Variants in FNDC3B observed in about 807,000 individuals in gnomAD.
FNDC3B encodes fibronectin type III domain containing 3B.
FNDC3B carries 12 observed loss-of-function variants against 151.5 expected under a neutral mutation model. That is an observed-to-expected ratio of 0.08 (90% confidence interval 0.05 to 0.13). FNDC3B has a LOEUF of 0.13. Ranked by LOEUF, FNDC3B falls within the 10% of genes least tolerant of loss-of-function variation. FNDC3B has a pLI of 1.00. For synonymous variants in FNDC3B, 528 were observed against 549.0 expected (o/e 0.96, Z 0.54); for missense variants, 1,214 against 1,505.3 (o/e 0.81, Z 3.20).
At chr3:172,144,093 T>A (rs1283927000) in intron 3 of FNDC3B, among the ~76,000 whole-genome samples, 1 of 152,138 alleles carries the variant, frequency 6.6e-6, no homozygotes. Flanking sequence ...TGGGATCTGC[T>A]TCTCGTGAGG....
rs565151258 is a variant in FNDC3B, at chr3:172,337,334, C to T, written c.1785C>T (p.Pro595=). The change falls in exon 16 of 26, where the codon CCC becomes CCT. Residue 595 remains proline, a synonymous_variant. Coordinates refer to ENST00000415807, the MANE Select transcript of FNDC3B (RefSeq NM_022763.4). ...TSHGFSVKWD[P]PKDNGGSEIL... is the part of the protein sequence containing the mutation. ...AGACATTTGGTTATTTTCCAGATCC[C>T]CCTAAGGACAATGGTGGTTCAGAAA... The T allele has an allele frequency of 3.6e-5, 57 of 1,604,536 alleles. No individual in the cohort carries two copies. The highest frequency in any genetic ancestry group is 4.7e-5 in the Non-Finnish European group (55 of 1,172,154).
chr3:172,307,583 C>T, intron 10 of FNDC3B, 82 bp downstream of exon 10: 2 of 1,406,486 alleles, frequency 1.4e-6, no homozygotes, highest in Non-Finnish European at 2.0e-6. Flanking sequence ...GTCCCAGCTA[C>T]CTGGGAGGCT....
intron 3 of FNDC3B, among the ~76,000 whole-genome samples, chr3:172,173,054 A>G (rs916788754): frequency 1.3e-5 from 2 of 152,216 alleles, no homozygotes; most frequent in Admixed American, 6.5e-5. Flanking sequence ...AGTCATTTAT[A>G]GAAAACTGTT....
rs926355641 is a variant in FNDC3B at position 172,040,064 on chromosome 3, G to T, written c.-29+293G>T. Among the ~76,000 whole-genome samples the T allele has an allele frequency of 1.3e-5, 2 of 152,148 alleles. No homozygotes were observed. Among genetic ancestry groups the T allele is most frequent in the African/African-American group, 2.4e-5 (1 of 41,446 alleles). On this transcript the variant is annotated intron_variant, in intron 1 of 25. Transcript: ENST00000415807. The surrounding 1 kb of genome is among the most constrained non-coding windows in gnomAD (Gnocchi z 6.6). ...GGGTTTGGAGGAGTGAAAGAAACGG[G>T]TAGATTCCTCTTAAAAAAAATTGGG...
chr3:172,309,918 C>A (rs1016804067), intron 10 of FNDC3B, among the ~76,000 whole-genome samples: 1 of 152,200 alleles, frequency 6.6e-6, no homozygotes, highest in Admixed American at 6.5e-5. Context: ...AGATACATCT[C>A]AGGGGAAGCT....
At chr3:172,051,445 A>G (rs1048268994) in intron 1 of FNDC3B, among the ~76,000 whole-genome samples, 5 of 152,204 alleles carry the variant, frequency 3.3e-5, no homozygotes, top group African/African-American at 1.2e-4. Flanking sequence ...GTGGGTACAC[A>G]GTAAATATTC....
intron 9 of FNDC3B, chr3:172,302,557 G>A (rs906486625): frequency 2.0e-5 from 3 of 152,078 alleles, no homozygotes; most frequent in Admixed American, 6.5e-5. Flanking sequence ...ATTCTTACAC[G>A]TCTGTTCAGT....
intron 1 of FNDC3B, among the ~76,000 whole-genome samples, chr3:172,061,632 G>A (rs544259224): frequency 2.0e-5 from 3 of 152,272 alleles, no homozygotes; most frequent in Non-Finnish European, 2.9e-5. Flanking sequence ...CAATCTGTGG[G>A]GGAAGAAGGT....
Position 172,337,695 on chromosome 3 carries a change from GT to G in FNDC3B, c.1852+298del, listed in dbSNP as rs1450124345. The G allele has an allele frequency of 1.7e-5, 6 of 358,430 alleles. No individual in the cohort carries two copies. The Admixed American group carries it at 2.7e-4, about 16-fold the overall frequency. 22.2% of individuals were successfully genotyped at this position (358,430 alleles called of 1,614,324 possible). A position where few individuals can be genotyped will look rare whatever the true frequency, so the allele number is the denominator to read the frequency against. ...TGTTTCTTTGGTTTGGTTTGTTTTT[GT>G]TTTGTTTTTTGAGATACGATCTCTG... On this transcript the variant is annotated intron_variant, in intron 16 of 25. Coordinates refer to ENST00000415807, the MANE Select transcript of FNDC3B (RefSeq NM_022763.4).
chr3:172,261,725 T>C (rs1560045107), intron 6 of FNDC3B, among the ~76,000 whole-genome samples: 1 of 152,222 alleles, frequency 6.6e-6, no homozygotes, highest in Non-Finnish European at 1.5e-5. Flanking sequence ...CCATTACTGT[T>C]GTACCCACAT....
chr3:172,163,038 T>C lies in FNDC3B; in HGVS notation c.187+29492T>C, dbSNP rs1309107641. Among the ~76,000 whole-genome samples, 7 of 152,300 alleles carry C rather than the reference T, an allele frequency of 4.6e-5. No homozygotes were observed. The East Asian group carries it at 1.3e-3, about 29-fold the overall frequency. On this transcript the variant is annotated intron_variant, in intron 3 of 25. Coordinates refer to ENST00000415807, the MANE Select transcript of FNDC3B (RefSeq NM_022763.4). Reference sequence around the variant, plus strand: ...CTGTAATTCCATCGCTTTGGGAGGCTGAGGCAGGAAGATTGCTTGAAGCCA... The same window carrying C: ...CTGTAATTCCATCGCTTTGGGAGGCCGAGGCAGGAAGATTGCTTGAAGCCA...
chr3:172,363,638 C>CAGGAT (rs1734468852), intron 23 of FNDC3B, among the ~76,000 whole-genome samples: 1 of 152,188 alleles, frequency 6.6e-6, no homozygotes, highest in South Asian at 2.1e-4. Flanking sequence ...AAACCAGTGT[C>CAGGAT]AGGATAGAAG....
intron 7 of FNDC3B, among the ~76,000 whole-genome samples, chr3:172,290,636 C>T (rs1730277135): frequency 6.6e-6 from 1 of 152,150 alleles, no homozygotes; most frequent in South Asian, 2.1e-4. Flanking sequence ...ATTGATTTGT[C>T]GGTTCCAGAA....
chr3:172,389,542 T>C (rs190042726), intron 25 of FNDC3B, among the ~76,000 whole-genome samples: 1 of 152,288 alleles, frequency 6.6e-6, no homozygotes, highest in African/African-American at 2.4e-5. Context: ...TATTAGAACA[T>C]ATTAGAAAAT....
intron 6 of FNDC3B, among the ~76,000 whole-genome samples, chr3:172,277,772 C>T (rs765193651): frequency 6.6e-6 from 1 of 152,170 alleles, no homozygotes; most frequent in Non-Finnish European, 1.5e-5. Context: ...GCAGCTGCCC[C>T]CCTCAGATAG....
At chr3:172,200,120 G>A (rs1356283283) in intron 3 of FNDC3B, among the ~76,000 whole-genome samples, 1 of 152,112 alleles carries the variant, frequency 6.6e-6, no homozygotes, top group East Asian at 1.9e-4. Flanking sequence ...CCCTGGACAG[G>A]ATGTCATTCC....
chr3:172,395,783 T>C (rs977443042), intron 25 of FNDC3B, among the ~76,000 whole-genome samples: 1 of 152,206 alleles, frequency 6.6e-6, no homozygotes, highest in African/African-American at 2.4e-5. Context: ...CTTGTACATA[T>C]TATTCACAGA....
chr3:172,351,729 C>T (rs969431077), intron 21 of FNDC3B, among the ~76,000 whole-genome samples: 3 of 152,062 alleles, frequency 2.0e-5, no homozygotes, highest in African/African-American at 4.8e-5. Flanking sequence ...ACAGGATGTG[C>T]TGATGGCCTG....
At chr3:172,055,284 A>G (rs761608371) in intron 1 of FNDC3B, among the ~76,000 whole-genome samples, 45 of 152,184 alleles carry the variant, frequency 3.0e-4, no homozygotes, top group Non-Finnish European at 5.4e-4. Context: ...TTCACTAATG[A>G]AAAAACATAA....
Sources: allele counts gnomAD v4.1 joint callset (sites outside exome capture counted in the v4.1 genomes callset), GRCh38; gene constraint gnomAD v4.1.1; non-coding constraint Gnocchi (gnomAD v3.1); transcripts MANE v1.5; gene names NCBI Gene and HGNC (gene_info 2026-07-23, HGNC 2026-07-21).